SULF1: variants seen among roughly 807,000 people sequenced by gnomAD.
The protein encoded by SULF1 is sulfatase 1.
A neutral mutation model predicts 110.5 loss-of-function variants in SULF1; 46 were observed. The ratio of observed to expected loss-of-function variants is 0.42; its 90% CI spans 0.33 to 0.53. SULF1 has a LOEUF of 0.53. SULF1 is among the 20% of genes least tolerant of loss of function. The pLI is 0.12. For synonymous variants in SULF1, 371 were observed against 387.1 expected, an observed-to-expected ratio of 0.96 and a Z score of 0.49; for missense variants, 941 against 1,094.2, an observed-to-expected ratio of 0.86 and a Z score of 1.98.
At chr8:69,585,770 A>G (rs533321612) in intron 6 of SULF1, among the ~76,000 whole-genome samples, 105 of 152,358 alleles carry the variant, frequency 6.9e-4, no homozygotes, top group African/African-American at 2.4e-3. Flanking sequence ...TACACATAAC[A>G]TAAACACCCA....
intron 1 of SULF1, among the ~76,000 whole-genome samples, chr8:69,494,884 GAAAAAA>G (rs59596365): frequency 9.1e-6 from 1 of 109,692 alleles, no homozygotes; most frequent in African/African-American, 3.1e-5. Flanking sequence ...TATCTCAAAG[GAAAAAA>G]AAAAAAAAAA....
rs545603925 is a variant in SULF1, at chr8:69,518,721, C to T, written c.-134+16753C>T. Among the ~76,000 whole-genome samples the T allele has an allele frequency of 2.6e-5, 4 of 152,182 alleles. No individual in the cohort carries two copies. In the South Asian group the frequency reaches 6.2e-4, roughly 24 times the overall value. On this transcript the variant is annotated intron_variant, in intron 3 of 22. Transcript: ENST00000402687. The stretch of plus-strand genomic sequence containing the variant: ...CTCATGTGTGATCAATGAGTTCTTC[C>T]CACTATAGTTAGTCAGAACTTGAGG...
At chr8:69,543,797 G>T (rs1043693200) in intron 3 of SULF1, among the ~76,000 whole-genome samples, 1 of 152,070 alleles carries the variant, frequency 6.6e-6, no homozygotes, top group South Asian at 2.1e-4. Flanking sequence ...GTTGGCAGTG[G>T]GCCACAAATG....
intron 13 of SULF1, among the ~76,000 whole-genome samples, chr8:69,611,767 A>G (rs1232427050): frequency 6.6e-6 from 1 of 152,216 alleles, no homozygotes; most frequent in African/African-American, 2.4e-5. Context: ...ACATATGGTA[A>G]CCAAGAACTA....
rs912140961 is a variant in SULF1 at position 69,650,850 on chromosome 8, T to C, written c.2586-7655T>C. 5.3e-5 allele frequency among the ~76,000 whole-genome samples: 8 copies of C among 152,276 alleles called. No homozygotes were observed. The East Asian group carries it at 9.7e-4, about 18-fold the overall frequency. On this transcript the variant is annotated intron_variant, in intron 22 of 22. Coordinates refer to ENST00000402687, the MANE Select transcript of SULF1 (RefSeq NM_001128205.2). ...CCTAAAAGCATGTTCCAGGTTCATA[T>C]GGCATTTTTGCCACTCCACATTTGG...
chr8:69,659,052 G>A lies in SULF1; in HGVS notation c.*517G>A, dbSNP rs534643919. ...ATGGCATGACAGAGCTAGAGCTCGG[G>A]CCCAGCCCCAGGCTGCAGCCCATTC... On this transcript the variant is annotated 3_prime_UTR_variant, in exon 23 of 23. Transcript: ENST00000402687. 19 of 457,072 alleles carry A rather than the reference G, an allele frequency of 4.2e-5. No individual in the cohort carries two copies. The East Asian group carries it at 4.9e-4, about 12-fold the overall frequency. 28.3% of individuals were successfully genotyped at this position (457,072 alleles called of 1,614,324 possible).
intron 22 of SULF1, among the ~76,000 whole-genome samples, chr8:69,656,106 GAC>G (rs201940399): frequency 0.13 from 19,755 of 152,106 alleles, 1,303 homozygotes; most frequent in Non-Finnish European, 0.16. Context: ...AGGAGATCTG[GAC>G]TGGATATGAG....
upstream of SULF1, among the ~76,000 whole-genome samples, chr8:69,488,531 A>G (rs943777304): frequency 1.3e-5 from 2 of 151,986 alleles, no homozygotes; most frequent in African/African-American, 4.8e-5. Context: ...ATTTATTTCT[A>G]TTTGGAAATA....
At chr8:69,569,631 C>T (rs764444578) in intron 5 of SULF1, among the ~76,000 whole-genome samples, 1 of 152,300 alleles carries the variant, frequency 6.6e-6, no homozygotes, top group East Asian at 1.9e-4. Flanking sequence ...CAAAAAGACA[C>T]AAAAACCCTC....
rs180932180 is a variant in SULF1, at chr8:69,548,572, C to T, written c.-133-14967C>T. Among the ~76,000 whole-genome samples the T allele has an allele frequency of 6.0e-4, 91 of 150,928 alleles. 1 individual carries two copies. In the East Asian group the frequency reaches 0.015, roughly 25 times the overall value. On this transcript the variant is annotated intron_variant, in intron 3 of 22. Transcript: ENST00000402687. ...AAACAATCCTCCCACCTCAGCCTCC[C>T]GAGTAGCTAGGATTACAGGCATGCA...
chr8:69,509,053 T>G (rs1811386621), intron 3 of SULF1, among the ~76,000 whole-genome samples: 1 of 152,234 alleles, frequency 6.6e-6, no homozygotes, highest in Admixed American at 6.5e-5. Flanking sequence ...AGAATGTACT[T>G]GTCCCATTTC....
intron 3 of SULF1, among the ~76,000 whole-genome samples, chr8:69,549,947 C>A (rs1374650339): frequency 6.6e-6 from 1 of 151,944 alleles, no homozygotes; most frequent in Admixed American, 6.6e-5. Flanking sequence ...GGTTCCCCTT[C>A]TGTTTGGAAG....
intron 14 of SULF1, among the ~76,000 whole-genome samples, chr8:69,622,910 G>A (rs1356840171): frequency 6.6e-6 from 1 of 152,128 alleles, no homozygotes; most frequent in Non-Finnish European, 1.5e-5. Context: ...GGAAACTGCA[G>A]GATTCAGCTG....
chr8:69,653,898 T>C (rs1333822736), intron 22 of SULF1, among the ~76,000 whole-genome samples: 1 of 152,204 alleles, frequency 6.6e-6, no homozygotes, highest in African/African-American at 2.4e-5. Context: ...CCCCTGGCCA[T>C]GAACCCCGTA....
chr8:69,517,810 C>T (rs953154892), intron 3 of SULF1, among the ~76,000 whole-genome samples: 3 of 152,124 alleles, frequency 2.0e-5, no homozygotes, highest in African/African-American at 7.2e-5. Context: ...TCTGCATCTT[C>T]CCTTTTCATT....
intron 19 of SULF1, among the ~76,000 whole-genome samples, chr8:69,634,598 A>G (rs1034369079): frequency 1.3e-5 from 2 of 151,996 alleles, no homozygotes; most frequent in African/African-American, 4.8e-5. Flanking sequence ...GTGAAACCCT[A>G]TCTCTACCAA....
chr8:69,648,139 G>GAAA (rs112144677), intron 22 of SULF1, among the ~76,000 whole-genome samples: 1 of 117,724 alleles, frequency 8.5e-6, no homozygotes, highest in Admixed American at 9.1e-5. Context: ...TGTGCCTTCA[G>GAAA]AAAAAAAAAA....
intron 22 of SULF1, among the ~76,000 whole-genome samples, chr8:69,657,724 T>C (rs1447699602): frequency 1.3e-5 from 2 of 152,170 alleles, no homozygotes; most frequent in African/African-American, 4.8e-5. Flanking sequence ...CTGTATGGCT[T>C]TATGGGTGGT....
At chr8:69,631,190 A>G (rs999295424) in intron 19 of SULF1, among the ~76,000 whole-genome samples, 1 of 152,212 alleles carries the variant, frequency 6.6e-6, no homozygotes, top group African/African-American at 2.4e-5. Context: ...CCTTTGGTTT[A>G]TCCAGGAGTG....
Sources: allele counts gnomAD v4.1 joint callset (sites outside exome capture counted in the v4.1 genomes callset), GRCh38; gene constraint gnomAD v4.1.1; transcripts MANE v1.5; gene names NCBI Gene and HGNC (gene_info 2026-07-23, HGNC 2026-07-21).